The following CUBN variants were observed in gnomAD, a reference collection of about 807,000 sequenced individuals.
CUBN encodes the protein 460 kDa receptor.
In CUBN, 282 loss-of-function variants were observed where a neutral mutation model predicts 405.3. That is an observed-to-expected ratio of 0.70 (90% CI 0.63 to 0.77). The LOEUF is 0.77. CUBN is among the 30% of genes least tolerant of loss of function. CUBN has a pLI of 0.00. For missense variants in CUBN, 4,514 were observed against 4,475.2 expected, an observed-to-expected ratio of 1.01 and a Z score of -0.25; for synonymous variants, 1,684 against 1,617.0, an observed-to-expected ratio of 1.04 and a Z score of -0.99.
chr10:17,086,982 A>G (rs1836123928), intron 15 of CUBN, among the ~76,000 whole-genome samples: 1 of 152,220 alleles, frequency 6.6e-6, no homozygotes, highest in Admixed American at 6.5e-5. Context: ...TCAACATTTA[A>G]ATGACCATTT....
intron 26 of CUBN, among the ~76,000 whole-genome samples, chr10:17,041,614 GT>G (rs1280924341): frequency 6.6e-6 from 1 of 151,926 alleles, no homozygotes; most frequent in African/African-American, 2.4e-5. Flanking sequence ...CTGTGCTGCT[GT>G]TTTTTTAATG....
At chr10:16,950,939 C>T (rs1842907229) in intron 33 of CUBN, among the ~76,000 whole-genome samples, 1 of 152,164 alleles carries the variant, frequency 6.6e-6, no homozygotes, top group African/African-American at 2.4e-5. Flanking sequence ...TTAGCTCACT[C>T]AGTTTTATTT....
intron 55 of CUBN, among the ~76,000 whole-genome samples, chr10:16,889,874 G>C (rs548021581): frequency 6.8e-6 from 1 of 146,390 alleles, no homozygotes; most frequent in East Asian, 2.0e-4. Context: ...GACGTGGAGG[G>C]TGCAGTGAGC....
chr10:17,054,012 T>G (rs753869633), intron 22 of CUBN, among the ~76,000 whole-genome samples: 2 of 152,050 alleles, frequency 1.3e-5, no homozygotes, highest in Non-Finnish European at 2.9e-5. Context: ...TATTTTGAAC[T>G]GGAAGTTACT....
At position 16,888,647 on chromosome 10, in the gene CUBN, C is replaced by T. The variant is rs1480748459; in HGVS notation, c.8756-81G>A. ...GTCCATGAAGGAAAGAGGCATTTTC[C>T]TAAATTATCTATAGACATAGTTCCC... On this transcript the variant is annotated intron_variant, in intron 55 of 66. Transcript: ENST00000377833. 3 of 1,185,800 alleles carry T rather than the reference C, an allele frequency of 2.5e-6. No homozygotes were observed. In the East Asian group the frequency reaches 7.0e-5, roughly 28 times the overall value. The allele number at this position is 1,185,800 out of a possible 1,614,324, so 73.5% of individuals were successfully genotyped here.
chr10:16,904,046 G>T lies in CUBN; in HGVS notation c.7982C>A (p.Pro2661His), dbSNP rs2131430280. The stretch of plus-strand genomic sequence containing the variant: ...AAAGTGAATCCATACCTGAGAATAA[G>T]GTATAACCAATGGCAATGTAGGCTT... ...PSKPTLPLVI[P>H]YSQVWIHFVT... The change falls in exon 51 of 67, where the codon CCT becomes CAT. Residue 2661 changes from proline (P) to histidine (H), a missense_variant. Around this residue, in one of 5 missense-constraint regions of CUBN, gnomAD observed 25 missense variants for 48.5 expected, o/e 0.52. Transcript: ENST00000377833. The T allele has an allele frequency of 6.2e-7, 1 of 1,613,374 alleles. No individual in the cohort carries two copies. Among genetic ancestry groups the T allele is most frequent in the East Asian group, 2.2e-5 (1 of 44,862 alleles).
At chr10:17,108,030 G>C (rs1214807239) in intron 10 of CUBN, among the ~76,000 whole-genome samples, 1 of 152,134 alleles carries the variant, frequency 6.6e-6, no homozygotes, top group African/African-American at 2.4e-5. Flanking sequence ...ACAGGTTGCA[G>C]TAAAGAAGGG....
intron 45 of CUBN, 62 bp downstream of exon 45, chr10:16,918,560 T>C: frequency 7.8e-7 from 1 of 1,277,150 alleles, no homozygotes; most frequent in Non-Finnish European, 1.1e-6. Flanking sequence ...CGAATTTACC[T>C]ATATAACAAA....
intron 4 of CUBN, among the ~76,000 whole-genome samples, chr10:17,125,784 G>A (rs888133904): frequency 8.5e-5 from 13 of 152,124 alleles, no homozygotes; most frequent in Non-Finnish European, 4.4e-5. Flanking sequence ...ATATAATGAA[G>A]CCCTCCAGGA....
At chr10:16,907,238 C>G (rs1354731255) in intron 49 of CUBN, among the ~76,000 whole-genome samples, 1 of 152,206 alleles carries the variant, frequency 6.6e-6, no homozygotes, top group African/African-American at 2.4e-5. Context: ...GGTCACCAAC[C>G]CTCATGGTAA....
chr10:17,078,876 G>T (rs1344241578), intron 17 of CUBN, among the ~76,000 whole-genome samples: 1 of 152,054 alleles, frequency 6.6e-6, no homozygotes, highest in Non-Finnish European at 1.5e-5. Flanking sequence ...CTTGATAATG[G>T]TCCATCCATA....
intron 36 of CUBN, 119 bp downstream of exon 36, chr10:16,947,115 AT>A: frequency 1.8e-6 from 2 of 1,098,080 alleles, no homozygotes; most frequent in Non-Finnish European, 2.8e-6. Context: ...AACAGAGGAA[AT>A]TTGGAAAAAT....
chr10:16,982,273 T>A (rs1456115352), intron 31 of CUBN, among the ~76,000 whole-genome samples: 1 of 152,222 alleles, frequency 6.6e-6, no homozygotes, highest in Non-Finnish European at 1.5e-5. Context: ...GCGCAGAAAC[T>A]GACTTGCTAA....
rs750376759 is a variant in CUBN, at chr10:16,918,632, C to T, written c.6990G>A (p.Lys2330=). 3.1e-6 allele frequency: 5 copies of T among 1,613,382 alleles called. No homozygotes were observed. The highest frequency in any genetic ancestry group is 4.2e-6 in the Non-Finnish European group (5 of 1,179,472). The change falls in exon 45 of 67, where the codon AAG becomes AAA. Residue 2330 remains lysine, a synonymous_variant. Coordinates refer to ENST00000377833, the MANE Select transcript of CUBN (RefSeq NM_001081.4). ...TAAAAAAATTATTACCTATAGAATA[C>T]TTGGCCTTGAATCCCACATGTGTGG... is the stretch of plus-strand genomic sequence containing the variant. The part of the protein sequence containing the change: ...NSPTHVGFKA[K]YSIAQCGGRV...
At chr10:16,924,621 AT>A (rs571276326) in intron 43 of CUBN, among the ~76,000 whole-genome samples, 1 of 152,060 alleles carries the variant, frequency 6.6e-6, no homozygotes, top group South Asian at 2.1e-4. Flanking sequence ...TTCTACTGAC[AT>A]TACTCCCTTT....
intron 54 of CUBN, among the ~76,000 whole-genome samples, chr10:16,897,848 G>A (rs1241335121): frequency 6.6e-6 from 1 of 152,122 alleles, no homozygotes; most frequent in Non-Finnish European, 1.5e-5. Flanking sequence ...CTCGGCAGCA[G>A]CGTTGGGCTT....
At position 16,939,119 on chromosome 10, in the gene CUBN, A is replaced by T; in HGVS notation, c.5577T>A (p.Thr1859=). 1.2e-6 allele frequency: 2 copies of T among 1,613,910 alleles called. No homozygotes were observed. The change falls in exon 38 of 67, where the codon ACT becomes ACA. Residue 1859 remains threonine (T), a synonymous_variant. Transcript: ENST00000377833. ...AGAAAGGAGAGGCGACTTTCCCATG[A>T]GTTCCCACAATATTATCATTGCCAA... The part of the protein sequence containing the change: ...KIFGNDNIVG[T]HGKVASPFWP...
In CUBN at chr10:16,824,886, C is replaced by T; in HGVS notation, c.*89G>A. On this transcript the variant is annotated 3_prime_UTR_variant, in exon 67 of 67. Coordinates refer to ENST00000377833, the MANE Select transcript of CUBN (RefSeq NM_001081.4). ...TACAAGTTCAGCTTATTCTCTGTGGCATCAGCAGGGGTCATGTATCAGGAT... is the reference window on the plus strand; with the variant it reads ...TACAAGTTCAGCTTATTCTCTGTGGTATCAGCAGGGGTCATGTATCAGGAT... 1.1e-6 allele frequency: 1 copy of T among 878,512 alleles called. No individual in the cohort carries two copies. Among genetic ancestry groups the T allele is most frequent in the African/African-American group, 1.6e-5 (1 of 60,894 alleles). 54.4% of individuals were successfully genotyped at this position (878,512 alleles called of 1,614,324 possible).
chr10:17,029,952 T>C (rs1166580035), intron 27 of CUBN, among the ~76,000 whole-genome samples: 3 of 152,212 alleles, frequency 2.0e-5, no homozygotes, highest in Non-Finnish European at 4.4e-5. Context: ...CAGATTTATT[T>C]ACCACAAAAT....
Sources: gnomAD v4.1 joint callset for allele counts (sites outside exome capture counted in the v4.1 genomes callset) on GRCh38, gnomAD v4.1.1 for gene constraint, gnomAD v4.1.1 regional missense constraint, MANE v1.5 for transcripts, NCBI Gene and HGNC (gene_info 2026-07-23, HGNC 2026-07-21) for gene names.